The following HBS1L variants were observed in gnomAD, a reference collection of about 807,000 sequenced individuals.
HBS1L encodes HBS1 like translational GTPase.
A neutral mutation model predicts 88.9 loss-of-function variants in HBS1L; 55 were observed. The ratio of observed to expected loss-of-function variants is 0.62; its 90% CI spans 0.50 to 0.77. HBS1L has a LOEUF of 0.77. HBS1L is among the 30% of genes least tolerant of loss of function. The probability of loss-of-function intolerance (pLI) is 0.00; values close to 1 mark genes in which losing one functional copy is unlikely to be tolerated. For synonymous variants in HBS1L, 267 were observed against 288.5 expected (o/e 0.93, Z 0.76); for missense variants, 741 against 829.3 (o/e 0.89, Z 1.31).
At chr6:135,045,469 C>T (rs1295881232) in intron 2 of HBS1L, among the ~76,000 whole-genome samples, 1 of 152,120 alleles carries the variant, frequency 6.6e-6, no homozygotes, top group East Asian at 1.9e-4. Context: ...ATTAAAAATA[C>T]AGATTTCTAG....
chr6:134,966,944 T>C (rs1200236108), intron 16 of HBS1L, among the ~76,000 whole-genome samples: 1 of 152,212 alleles, frequency 6.6e-6, no homozygotes, highest in Non-Finnish European at 1.5e-5. Flanking sequence ...AAGTTATCTG[T>C]GAAGAGGACA....
Position 135,042,088 on chromosome 6 carries a change from C to A in HBS1L, c.148G>T (p.Val50Phe), listed in dbSNP as rs573654532. The A allele has an allele frequency of 1.2e-6, 2 of 1,612,918 alleles. No individual in the cohort carries two copies. The highest frequency in any genetic ancestry group is 1.7e-5 in the Admixed American group (1 of 59,978). ...FIYSRRDKPSVEPVEEYDYED... is the reference protein window; with the variant it reads ...FIYSRRDKPSFEPVEEYDYED... ...TAATCATATTCTTCCACAGGCTCAA[C>A]GGAAGGTTTGTCACGCCGTGAATAA... is the stretch of plus-strand genomic sequence containing the variant. Residue 50 changes from valine (V) to phenylalanine (F), a missense_variant, in exon 3 of 18, where the codon GTT becomes TTT. Val to Phe is a conservative substitution (Grantham distance 50). Coordinates refer to ENST00000367837, the MANE Select transcript of HBS1L (RefSeq NM_006620.4).
chr6:135,002,823 C>T lies in HBS1L; in HGVS notation c.450G>A (p.Gln150=). 1.9e-6 allele frequency: 3 copies of T among 1,612,206 alleles called. No homozygotes were observed. Among genetic ancestry groups the T allele is most frequent in the Non-Finnish European group, 2.5e-6 (3 of 1,178,700 alleles). The part of the protein sequence containing the change: ...KIAKGKPVDS[Q]TSRSESEIVP... Reference sequence around the variant, plus strand: ...CAATTTCAGATTCACTTCGCGATGTCTGGGAATCTACTGGTTTTCCTAGTT... The same window carrying T: ...CAATTTCAGATTCACTTCGCGATGTTTGGGAATCTACTGGTTTTCCTAGTT... Residue 150 remains glutamine (Q), a synonymous_variant, in exon 5 of 18, where the codon CAG becomes CAA. Coordinates refer to ENST00000367837, the MANE Select transcript of HBS1L (RefSeq NM_006620.4).
At chr6:135,004,463 T>A (rs916023779) in intron 4 of HBS1L, among the ~76,000 whole-genome samples, 2 of 151,918 alleles carry the variant, frequency 1.3e-5, no homozygotes, top group Non-Finnish European at 2.9e-5. Flanking sequence ...AAGAGAAGCT[T>A]GTATAATGGT....
intron 16 of HBS1L, among the ~76,000 whole-genome samples, chr6:134,968,745 C>T (rs1332818399): frequency 7.8e-6 from 1 of 128,494 alleles, no homozygotes; most frequent in African/African-American, 2.9e-5. Flanking sequence ...TCCAGGTGGA[C>T]TTTGAGCAAA....
intron 12 of HBS1L, chr6:134,982,902 G>T (rs1774873518): frequency 6.2e-6 from 1 of 161,586 alleles, no homozygotes; most frequent in South Asian, 1.9e-4. Context: ...TTATACTAGT[G>T]AAGAGAAAGA....
chr6:135,033,417 G>A (rs1776443085), intron 4 of HBS1L, among the ~76,000 whole-genome samples: 1 of 152,174 alleles, frequency 6.6e-6, no homozygotes, highest in Non-Finnish European at 1.5e-5. Context: ...GCCAAGGGTG[G>A]AAGGTGGAAA....
chr6:135,032,425 T>C (rs186045384), intron 4 of HBS1L, among the ~76,000 whole-genome samples: 1 of 152,214 alleles, frequency 6.6e-6, no homozygotes, highest in Admixed American at 6.5e-5. Flanking sequence ...AATATATAGG[T>C]AAAGGAAAAC....
rs1057479369 is a variant in HBS1L at position 135,036,329 on chromosome 6, T to C, written c.430+3244A>G. 8 of 1,113,994 alleles carry C rather than the reference T, an allele frequency of 7.2e-6. No individual in the cohort carries two copies. In the African/African-American group the frequency reaches 9.7e-5, roughly 13 times the overall value. The allele number at this position is 1,113,994 out of a possible 1,614,324, so 69.0% of individuals were successfully genotyped here. A position where few individuals can be genotyped will look rare whatever the true frequency, so the allele number is the denominator to read the frequency against. ...CAACATCAAGTTTCCATATCCACTT[T>C]GTAAACATATACTCAGTATAGGTTA... On this transcript the variant is annotated intron_variant, in intron 4 of 17. Transcript: ENST00000367837.
chr6:135,028,469 C>G (rs1036371598), intron 4 of HBS1L, among the ~76,000 whole-genome samples: 9 of 149,026 alleles, frequency 6.0e-5, no homozygotes, highest in Admixed American at 2.0e-4. Flanking sequence ...AAATTTGACC[C>G]CAGAATCTTC....
chr6:134,997,136 T>C (rs558173986), intron 6 of HBS1L, among the ~76,000 whole-genome samples, 194 bp from the exon 7 acceptor site: 1 of 152,216 alleles, frequency 6.6e-6, no homozygotes, highest in East Asian at 1.9e-4. Flanking sequence ...ATTTCTCAGA[T>C]TTTTGGAAAT....
chr6:134,993,063 C>T (rs1025507269), intron 8 of HBS1L, among the ~76,000 whole-genome samples: 2 of 152,138 alleles, frequency 1.3e-5, no homozygotes, highest in African/African-American at 4.8e-5. Flanking sequence ...TTACAGTATT[C>T]AATACAGTAA....
intron 5 of HBS1L, among the ~76,000 whole-genome samples, chr6:135,001,755 C>T (rs1210062935): frequency 6.6e-6 from 1 of 152,054 alleles, no homozygotes; most frequent in Non-Finnish European, 1.5e-5. Context: ...CTTTCCTTCA[C>T]TGACTTTGAA....
intron 15 of HBS1L, among the ~76,000 whole-genome samples, chr6:134,969,786 T>C (rs1471282571): frequency 2.6e-5 from 4 of 152,164 alleles, no homozygotes; most frequent in Non-Finnish European, 4.4e-5. Context: ...AAGTGTAAAA[T>C]AAGTAGGCTT....
At chr6:134,991,435 A>C (rs577663133) in intron 8 of HBS1L, among the ~76,000 whole-genome samples, 1 of 152,298 alleles carries the variant, frequency 6.6e-6, no homozygotes, top group South Asian at 2.1e-4. Context: ...ATTCCAATCC[A>C]CAGTTGACTG....
chr6:135,018,009 G>C (rs1191263824), intron 4 of HBS1L, among the ~76,000 whole-genome samples: 3 of 151,370 alleles, frequency 2.0e-5, no homozygotes, highest in Non-Finnish European at 4.4e-5. Context: ...AAAAAACAGG[G>C]GTTTTCCAGG....
Position 134,965,169 on chromosome 6 carries a change from A to T in HBS1L, c.*110T>A. On this transcript the variant is annotated 3_prime_UTR_variant, in exon 18 of 18. Transcript: ENST00000367837. ...ATTTTAGCTTTAATTTTTCTCTCTC[A>T]TCTAAAAACATATCAATTGCACATT... 1 of 905,396 alleles carries T rather than the reference A, an allele frequency of 1.1e-6. No homozygotes were observed. Among genetic ancestry groups the T allele is most frequent in the Non-Finnish European group, 1.8e-6 (1 of 553,854 alleles). The allele number at this position is 905,396 out of a possible 1,614,324, so 56.1% of individuals were successfully genotyped here. A position where few individuals can be genotyped will look rare whatever the true frequency, so the allele number is the denominator to read the frequency against.
rs1775194438 is a variant in HBS1L at position 134,993,223 on chromosome 6, T to C, written c.1083+535A>G. The stretch of plus-strand genomic sequence containing the variant: ...CAACTCACTTCTCAGAATATTTCCT[T>C]ATCATTAAGGGATGTATGAATGCAA... On this transcript the variant is annotated intron_variant, in intron 8 of 17. Transcript: ENST00000367837. Among the ~76,000 whole-genome samples the C allele has an allele frequency of 2.0e-5, 3 of 152,196 alleles. No homozygotes were observed. The South Asian group carries it at 6.2e-4, about 31-fold the overall frequency.
In HBS1L at chr6:134,967,353, A is replaced by G. The variant is rs1007424201; in HGVS notation, c.1899-880T>C. Among the ~76,000 whole-genome samples the G allele has an allele frequency of 3.9e-5, 6 of 152,246 alleles. No homozygotes were observed. The East Asian group carries it at 9.6e-4, about 24-fold the overall frequency. ...TAAAAAAATACACCAAAAATTCCAAATATTGGTTTTGGACAATTTCAGGCT... is the reference window on the plus strand; with the variant it reads ...TAAAAAAATACACCAAAAATTCCAAGTATTGGTTTTGGACAATTTCAGGCT... On this transcript the variant is annotated intron_variant, in intron 16 of 17. Coordinates refer to ENST00000367837, the MANE Select transcript of HBS1L (RefSeq NM_006620.4).
Sources: gnomAD v4.1 joint callset for allele counts (sites outside exome capture counted in the v4.1 genomes callset) on GRCh38, gnomAD v4.1.1 for gene constraint, MANE v1.5 for transcripts, NCBI Gene and HGNC (gene_info 2026-07-23, HGNC 2026-07-21) for gene names.